The following NUBPL variants were observed in gnomAD, a reference collection of about 807,000 sequenced individuals.
NUBPL encodes iron-sulfur cluster transfer protein NUBPL.
Under a neutral mutation model 45.7 loss-of-function variants are expected in NUBPL, and 31 were observed. The observed-to-expected ratio is 0.68, with a 90% CI of 0.51 to 0.92. The LOEUF (loss-of-function observed/expected upper bound fraction) is 0.92. NUBPL is among the 40% of genes least tolerant of loss of function. NUBPL has a pLI of 0.00. For synonymous variants in NUBPL, 144 were observed against 140.9 expected (o/e 1.02, Z -0.15); for missense variants, 401 against 398.7 (o/e 1.01, Z -0.05).
chr14:31,660,804 G>A (rs1298389648), intron 4 of NUBPL, among the ~76,000 whole-genome samples: 2 of 152,096 alleles, frequency 1.3e-5, no homozygotes, highest in African/African-American at 2.4e-5. Context: ...AAAGTACAAA[G>A]GTTTCTAAGG....
intron 7 of NUBPL, among the ~76,000 whole-genome samples, chr14:31,798,305 T>G (rs999663880): frequency 8.8e-6 from 1 of 114,092 alleles, no homozygotes; most frequent in East Asian, 2.0e-4. Flanking sequence ...TATTTATGGT[T>G]TTTTTTTTTT....
intron 8 of NUBPL, among the ~76,000 whole-genome samples, chr14:31,831,201 G>T (rs1022961992): frequency 6.6e-6 from 1 of 151,422 alleles, no homozygotes; most frequent in South Asian, 2.1e-4. Context: ...CCACCACCAC[G>T]CCCAGCTTAT....
chr14:31,656,784 A>G (rs974089759), intron 4 of NUBPL, among the ~76,000 whole-genome samples: 4 of 152,238 alleles, frequency 2.6e-5, no homozygotes, highest in African/African-American at 7.2e-5. Flanking sequence ...AATGTGACAT[A>G]TAGAAATGAA....
At chr14:31,765,559 G>A (rs1426356277) in intron 6 of NUBPL, among the ~76,000 whole-genome samples, 1 of 151,788 alleles carries the variant, frequency 6.6e-6, no homozygotes, top group Non-Finnish European at 1.5e-5. Flanking sequence ...TCCACATCCC[G>A]AATTTACAGA....
At chr14:31,853,256 A>G (rs2040568003) in intron 10 of NUBPL, among the ~76,000 whole-genome samples, 1 of 152,076 alleles carries the variant, frequency 6.6e-6, no homozygotes, top group Non-Finnish European at 1.5e-5. Context: ...GGGTTTCACC[A>G]TGTTGCCCAG....
intron 4 of NUBPL, among the ~76,000 whole-genome samples, chr14:31,642,748 T>C (rs2035740429): frequency 6.6e-6 from 1 of 152,204 alleles, no homozygotes; most frequent in South Asian, 2.1e-4. Context: ...TGGTAGGGAT[T>C]GCATTGAATC....
chr14:31,667,194 C>T (rs556247427), intron 4 of NUBPL, among the ~76,000 whole-genome samples: 81 of 152,076 alleles, frequency 5.3e-4, no homozygotes, highest in Non-Finnish European at 9.4e-4. Context: ...ACCAATCAAT[C>T]GTAGGTTTGG....
At chr14:31,596,387 T>C (rs2034284582) in intron 3 of NUBPL, among the ~76,000 whole-genome samples, 1 of 152,216 alleles carries the variant, frequency 6.6e-6, no homozygotes, top group South Asian at 2.1e-4. Flanking sequence ...CTCTTGGTGC[T>C]AACAAAATTA....
At chr14:31,852,088 G>T (rs1404114462) in intron 10 of NUBPL, among the ~76,000 whole-genome samples, 3 of 152,186 alleles carry the variant, frequency 2.0e-5, no homozygotes, top group Admixed American at 2.0e-4. Flanking sequence ...GGGGTACCAA[G>T]TTTGCCACTT....
chr14:31,645,953 T>C (rs1024031402), intron 4 of NUBPL, among the ~76,000 whole-genome samples: 2 of 152,186 alleles, frequency 1.3e-5, no homozygotes, highest in Non-Finnish European at 2.9e-5. Context: ...CCTGGAGTTA[T>C]CTGTGTACTA....
intron 7 of NUBPL, among the ~76,000 whole-genome samples, chr14:31,817,002 T>C (rs1387553212): frequency 2.0e-5 from 3 of 151,998 alleles, no homozygotes; most frequent in African/African-American, 7.2e-5. Context: ...CTGATGGAGC[T>C]GAAAAGCAGC....
At chr14:31,691,435 A>G (rs1205678643) in intron 6 of NUBPL, among the ~76,000 whole-genome samples, 18 of 152,320 alleles carry the variant, frequency 1.2e-4, no homozygotes. Flanking sequence ...TTGGGAGTCA[A>G]AAGTTATATG....
At chr14:31,784,948 A>C (rs995587543) in intron 6 of NUBPL, among the ~76,000 whole-genome samples, 1 of 152,138 alleles carries the variant, frequency 6.6e-6, no homozygotes, top group Non-Finnish European at 1.5e-5. Flanking sequence ...AATGTAGCAA[A>C]TATATTCCTA....
At chr14:31,754,037 A>G (rs1349785060) in intron 6 of NUBPL, among the ~76,000 whole-genome samples, 1 of 152,144 alleles carries the variant, frequency 6.6e-6, no homozygotes, top group Non-Finnish European at 1.5e-5. Context: ...CCATTCCACG[A>G]TGTCTGCATA....
intron 4 of NUBPL, among the ~76,000 whole-genome samples, chr14:31,626,383 G>T (rs145068145): frequency 1.5e-3 from 228 of 152,130 alleles, no homozygotes; most frequent in Middle Eastern, 0.014. Context: ...CAGGTGATCC[G>T]CCTGCCTTGT....
At chr14:31,620,958 C>T (rs1414034801) in intron 4 of NUBPL, among the ~76,000 whole-genome samples, 1 of 152,170 alleles carries the variant, frequency 6.6e-6, no homozygotes, top group African/African-American at 2.4e-5. Flanking sequence ...GGGCTGCTGC[C>T]TTTCTTTCAG....
At chr14:31,718,360 C>G (rs902117325) in intron 6 of NUBPL, among the ~76,000 whole-genome samples, 14 of 152,146 alleles carry the variant, frequency 9.2e-5, no homozygotes, top group African/African-American at 3.4e-4. Flanking sequence ...AAATATATAA[C>G]TAATCTTAGT....
intron 2 of NUBPL, among the ~76,000 whole-genome samples, chr14:31,563,594 TTAATA>T (rs1378696740): frequency 2.6e-5 from 4 of 152,206 alleles, no homozygotes; most frequent in African/African-American, 9.7e-5. Context: ...ATTGGTATTA[TTAATA>T]TATTTCTTTT....
At chr14:31,654,071 T>C (rs191414540) in intron 4 of NUBPL, 331 of 455,386 alleles carry the variant, frequency 7.3e-4, no homozygotes, top group Non-Finnish European at 8.6e-4. Context: ...TACATACAGG[T>C]ATATCTCAGA....
Sources: gnomAD v4.1 joint callset for allele counts (sites outside exome capture counted in the v4.1 genomes callset) on GRCh38, gnomAD v4.1.1 for gene constraint, MANE v1.5 for transcripts, NCBI Gene and HGNC (gene_info 2026-07-23, HGNC 2026-07-21) for gene names.